LRP1B: variants seen among roughly 807,000 people sequenced by gnomAD.
The protein encoded by LRP1B is LDL receptor related protein 1B, also known as low-density lipoprotein receptor-related protein 1B.
Under a neutral mutation model 556.6 loss-of-function variants are expected in LRP1B, and 217 were observed. The ratio of observed to expected loss-of-function variants is 0.39; its 90% CI spans 0.35 to 0.44. The LOEUF (loss-of-function observed/expected upper bound fraction) is 0.44. LRP1B is among the 20% of genes least tolerant of loss of function. The pLI, the probability that LRP1B is intolerant of heterozygous loss-of-function variation, is 1.00. For missense variants in LRP1B, 5,053 were observed against 5,620.8 expected (o/e 0.90, Z 3.23); for synonymous variants, 2,047 against 1,865.8 (o/e 1.10, Z -2.50).
chr2:141,520,631 C>A (rs904117738), intron 2 of LRP1B, among the ~76,000 whole-genome samples: 1 of 151,886 alleles, frequency 6.6e-6, no homozygotes, highest in Admixed American at 6.6e-5. Flanking sequence ...GTAAACGGGT[C>A]GGGAGAGGAC....
chr2:141,689,539 GC>G (rs1691436156), intron 2 of LRP1B, among the ~76,000 whole-genome samples: 1 of 148,086 alleles, frequency 6.8e-6, no homozygotes, highest in Admixed American at 6.8e-5. Context: ...TATTGCTATT[GC>G]TTTATTGTAT....
intron 2 of LRP1B, among the ~76,000 whole-genome samples, chr2:141,683,342 G>A (rs1444948421): frequency 6.6e-6 from 1 of 152,050 alleles, no homozygotes; most frequent in Non-Finnish European, 1.5e-5. Context: ...GAGGAGCATG[G>A]TACAGGAAAC....
At position 141,426,009 on chromosome 2, in the gene LRP1B, G is replaced by C. The variant is rs1330272086; in HGVS notation, c.343+54387C>G. ...AAGTCCTTGCCCATGCCTATGTCCT[G>C]AATGGTAATGCCTAGGTTTTCTTCT... On this transcript the variant is annotated intron_variant, in intron 3 of 90. Coordinates refer to ENST00000389484, the MANE Select transcript of LRP1B (RefSeq NM_018557.3). Among the ~76,000 whole-genome samples the C allele has an allele frequency of 7.3e-5, 11 of 151,490 alleles. 1 individual carries two copies. The East Asian group carries it at 2.1e-3, about 30-fold the overall frequency.
rs926286949 is a variant in LRP1B at position 140,700,689 on chromosome 2, T to C, written c.6428-68A>G. 22 of 1,496,710 alleles carry C rather than the reference T, an allele frequency of 1.5e-5. No individual in the cohort carries two copies. In the African/African-American group the frequency reaches 2.7e-4, roughly 18 times the overall value. 92.7% of individuals were successfully genotyped at this position (1,496,710 alleles called of 1,614,324 possible). ...TTCTTTTGTTTTTGAAACAAAATTC[T>C]CCATAAAGAAATATTAAAACTTTGA... On this transcript the variant is annotated intron_variant, in intron 40 of 90. Coordinates refer to ENST00000389484, the MANE Select transcript of LRP1B (RefSeq NM_018557.3).
At chr2:141,441,630 T>C (rs1326818047) in intron 3 of LRP1B, among the ~76,000 whole-genome samples, 2 of 152,232 alleles carry the variant, frequency 1.3e-5, no homozygotes, top group East Asian at 1.9e-4. Flanking sequence ...TAACTAATCA[T>C]GCCTAGCTTT....
At chr2:141,713,696 AATGAG>A (rs1290897751) in intron 2 of LRP1B, among the ~76,000 whole-genome samples, 1 of 152,236 alleles carries the variant, frequency 6.6e-6, no homozygotes, top group Non-Finnish European at 1.5e-5. Context: ...AATTGAACAG[AATGAG>A]ATGTCATAAT....
chr2:140,242,841 A>T (rs1010806533), intron 87 of LRP1B, among the ~76,000 whole-genome samples: 4 of 151,218 alleles, frequency 2.6e-5, no homozygotes, highest in African/African-American at 9.7e-5. Context: ...TAAGCCATAT[A>T]AATCAGATGG....
intron 2 of LRP1B, among the ~76,000 whole-genome samples, chr2:141,519,444 G>T (rs1352150124): frequency 7.0e-6 from 1 of 142,626 alleles, no homozygotes; most frequent in African/African-American, 2.6e-5. Flanking sequence ...AGCAAAGCTT[G>T]CCTACTTCTA....
chr2:141,054,880 A>T (rs1699133936), intron 10 of LRP1B, among the ~76,000 whole-genome samples: 1 of 152,000 alleles, frequency 6.6e-6, no homozygotes, highest in Non-Finnish European at 1.5e-5. Context: ...AATCTTCCTC[A>T]ACATATGTTT....
chr2:140,478,223 C>T (rs947889036), intron 59 of LRP1B, among the ~76,000 whole-genome samples: 9 of 145,184 alleles, frequency 6.2e-5, no homozygotes, highest in Admixed American at 2.8e-4. Context: ...AATCTCGGCT[C>T]ACTGCAGCCT....
chr2:141,435,967 C>A (rs1264292209), intron 3 of LRP1B, among the ~76,000 whole-genome samples: 1 of 152,176 alleles, frequency 6.6e-6, no homozygotes, highest in Non-Finnish European at 1.5e-5. Context: ...CTCCCAAATT[C>A]TTGACTGCAT....
In LRP1B at chr2:141,831,624, A is replaced by G. The variant is rs74328814; in HGVS notation, c.83-21223T>C. Among the ~76,000 whole-genome samples the G allele has an allele frequency of 3.6e-4, 55 of 151,824 alleles. 1 individual carries two copies. In the East Asian group the frequency reaches 0.01, roughly 29 times the overall value. On this transcript the variant is annotated intron_variant, in intron 1 of 90. Transcript: ENST00000389484. ...AAGAAGCTGAAATAATAATTAAAAC[A>G]TTGGAATCAGACATTTGGGGCATTT... is the stretch of plus-strand genomic sequence containing the variant.
At chr2:142,049,419 A>G (rs1189415837) in intron 1 of LRP1B, among the ~76,000 whole-genome samples, 4 of 152,148 alleles carry the variant, frequency 2.6e-5, no homozygotes, top group Non-Finnish European at 5.9e-5. Context: ...CTTGATATAC[A>G]TCACATAAGG....
At chr2:141,320,584 A>G (rs917185013) in intron 3 of LRP1B, among the ~76,000 whole-genome samples, 5 of 152,066 alleles carry the variant, frequency 3.3e-5, no homozygotes, top group Admixed American at 6.6e-5. Flanking sequence ...TTGACAGTAC[A>G]TCTCACCTAC....
intron 2 of LRP1B, among the ~76,000 whole-genome samples, chr2:141,625,751 C>T (rs1688682310): frequency 6.6e-6 from 1 of 152,070 alleles, no homozygotes. Context: ...CTTCACTGAG[C>T]ATATAAATCA....
rs1352762343 is a variant in LRP1B, at chr2:141,516,645, A to G, written c.206-36112T>C. On this transcript the variant is annotated intron_variant, in intron 2 of 90. Transcript: ENST00000389484. ...ACCCCAGCCTGGGCAATGGAGTACA[A>G]TGAAGTATTCCACCGGAGTAAGGAG... Among the ~76,000 whole-genome samples, 8 of 151,520 alleles carry G rather than the reference A, an allele frequency of 5.3e-5. No individual in the cohort carries two copies. In the East Asian group the frequency reaches 9.7e-4, roughly 18 times the overall value.
intron 7 of LRP1B, among the ~76,000 whole-genome samples, chr2:141,185,934 C>T (rs574341885): frequency 6.6e-6 from 1 of 151,632 alleles, no homozygotes; most frequent in East Asian, 2.0e-4. Flanking sequence ...CAAAAATTAG[C>T]CAGGCTTGGT....
intron 86 of LRP1B, among the ~76,000 whole-genome samples, chr2:140,261,754 T>A (rs1010209343): frequency 6.6e-6 from 1 of 151,946 alleles, no homozygotes; most frequent in African/African-American, 2.4e-5. Flanking sequence ...TCTCATTTTT[T>A]AGTATATAAT....
intron 3 of LRP1B, among the ~76,000 whole-genome samples, chr2:141,268,339 G>A (rs1184007042): frequency 1.3e-5 from 2 of 152,148 alleles, no homozygotes; most frequent in African/African-American, 4.8e-5. Flanking sequence ...CAAAAAAGCA[G>A]TACATTAGTG....
Sources: gnomAD v4.1 joint callset for allele counts (sites outside exome capture counted in the v4.1 genomes callset) on GRCh38, gnomAD v4.1.1 for gene constraint, MANE v1.5 for transcripts, NCBI Gene and HGNC (gene_info 2026-07-23, HGNC 2026-07-21) for gene names.